The following PRIM2 variants were observed in gnomAD, a reference collection of about 807,000 sequenced individuals.
PRIM2 encodes DNA primase large subunit.
Under a neutral mutation model 67.3 loss-of-function variants are expected in PRIM2, and 39 were observed. That is an observed-to-expected ratio of 0.58 (90% CI 0.45 to 0.76). The LOEUF (loss-of-function observed/expected upper bound fraction) is 0.76, where lower values mean the gene tolerates loss of function less well. Among genes scored for constraint, PRIM2 ranks in the 30% least tolerant of loss-of-function variants. The pLI is 0.00. For missense variants in PRIM2, 398 were observed against 598.7 expected, an observed-to-expected ratio of 0.66 and a Z score of 3.50; for synonymous variants, 143 against 198.7, an observed-to-expected ratio of 0.72 and a Z score of 2.36.
intron 10 of PRIM2, among the ~76,000 whole-genome samples, chr6:57,574,401 C>T (rs1285112476): frequency 6.6e-6 from 1 of 152,142 alleles, no homozygotes; most frequent in Non-Finnish European, 1.5e-5. Flanking sequence ...TCTACACTTT[C>T]CTTGCTTGTT....
At chr6:57,479,846 G>A (rs1430266504) in intron 7 of PRIM2, among the ~76,000 whole-genome samples, 6 of 152,174 alleles carry the variant, frequency 3.9e-5, no homozygotes, top group South Asian at 2.1e-4. Flanking sequence ...GTCACCAGCC[G>A]CGTGGTAGGC....
At chr6:57,365,563 C>G (rs1769329135) in intron 5 of PRIM2, among the ~76,000 whole-genome samples, 1 of 152,066 alleles carries the variant, frequency 6.6e-6, no homozygotes, top group South Asian at 2.1e-4. Flanking sequence ...ATTTATTTTT[C>G]TCTTATTCTA....
At chr6:57,377,300 T>C (rs1186320937) in intron 5 of PRIM2, among the ~76,000 whole-genome samples, 1 of 152,190 alleles carries the variant, frequency 6.6e-6, no homozygotes, top group Non-Finnish European at 1.5e-5. Context: ...AATCTGCAAA[T>C]AGAGTTTTAG....
chr6:57,348,002 C>A (rs1260961982), intron 5 of PRIM2, among the ~76,000 whole-genome samples: 1 of 152,004 alleles, frequency 6.6e-6, no homozygotes, highest in Non-Finnish European at 1.5e-5. Context: ...ACATTAGTTT[C>A]GGAAATTAAA....
chr6:57,252,518 G>A, the PRIM2 span, among the ~76,000 whole-genome samples: 1 of 152,054 alleles, frequency 6.6e-6, no homozygotes, highest in African/African-American at 2.4e-5. Context: ...TTGGCTCACC[G>A]CAACCTCTGC....
At chr6:57,631,453 T>C (rs1476044214) in intron 12 of PRIM2, among the ~76,000 whole-genome samples, 2 of 152,048 alleles carry the variant, frequency 1.3e-5, no homozygotes, top group African/African-American at 4.8e-5. Flanking sequence ...TCTGAAGAGA[T>C]TACATGAAGT....
At chr6:57,240,605 C>A in the PRIM2 span, among the ~76,000 whole-genome samples, 1 of 152,076 alleles carries the variant, frequency 6.6e-6, no homozygotes, top group Admixed American at 6.5e-5. Context: ...CCCAGGACAG[C>A]AGCTGTGTGT....
At chr6:57,396,924 A>G (rs1211688480) in intron 7 of PRIM2, among the ~76,000 whole-genome samples, 2 of 152,128 alleles carry the variant, frequency 1.3e-5, no homozygotes, top group Admixed American at 1.3e-4. Flanking sequence ...TACATATATG[A>G]TGCTTAGTTT....
chr6:57,622,549 C>T (rs1776878451), intron 12 of PRIM2, among the ~76,000 whole-genome samples: 1 of 152,112 alleles, frequency 6.6e-6, no homozygotes, highest in African/African-American at 2.4e-5. Context: ...TGAAATGATA[C>T]ATTATTTACA....
chr6:57,426,525 G>A (rs1771629140), intron 7 of PRIM2, among the ~76,000 whole-genome samples: 2 of 152,176 alleles, frequency 1.3e-5, no homozygotes, highest in Non-Finnish European at 2.9e-5. Flanking sequence ...GTGTGAAAAA[G>A]GATGCTCAGT....
chr6:57,445,320 A>G (rs373497590), intron 7 of PRIM2, among the ~76,000 whole-genome samples: 65 of 152,306 alleles, frequency 4.3e-4, no homozygotes, highest in Admixed American at 2.6e-4. Flanking sequence ...GTGTGTGTGT[A>G]TATGAGTACG....
intron 5 of PRIM2, among the ~76,000 whole-genome samples, chr6:57,366,085 G>A (rs1394776547): frequency 6.6e-6 from 1 of 151,440 alleles, no homozygotes; most frequent in Non-Finnish European, 1.5e-5. Flanking sequence ...AAAAAAAACT[G>A]TATCTTCAAG....
chr6:57,300,073 T>C, the PRIM2 span, among the ~76,000 whole-genome samples: 1 of 152,242 alleles, frequency 6.6e-6, no homozygotes, highest in Admixed American at 6.5e-5. Flanking sequence ...TATACATCTA[T>C]ATGAAATTAT....
chr6:57,614,647 G>A (rs1160466703), intron 12 of PRIM2, among the ~76,000 whole-genome samples: 10 of 152,234 alleles, frequency 6.6e-5, no homozygotes, highest in Non-Finnish European at 5.9e-5. Context: ...TCAGGATATC[G>A]AGACCATCCT....
intron 7 of PRIM2, among the ~76,000 whole-genome samples, chr6:57,480,841 C>T (rs1418030460): frequency 0.013 from 1,951 of 152,234 alleles, 40 homozygotes; most frequent in African/African-American, 0.043. Flanking sequence ...GTTGCCAGGA[C>T]GGTCTCCATT....
intron 13 of PRIM2, among the ~76,000 whole-genome samples, chr6:57,638,317 C>T (rs1258075857): frequency 2.6e-5 from 4 of 151,976 alleles, no homozygotes; most frequent in Non-Finnish European, 5.9e-5. Flanking sequence ...TAAAGACTGT[C>T]GACACTATAA....
chr6:57,281,546 T>TGA, the PRIM2 span, among the ~76,000 whole-genome samples: 2 of 152,090 alleles, frequency 1.3e-5, no homozygotes, highest in South Asian at 4.1e-4. Context: ...AAATGACCAC[T>TGA]AACTAAACTG....
the PRIM2 span, among the ~76,000 whole-genome samples, chr6:57,301,640 A>C: frequency 2.0e-5 from 3 of 152,190 alleles, no homozygotes; most frequent in African/African-American, 7.2e-5. Flanking sequence ...CATCTCTACC[A>C]AAAATACACA....
chr6:57,268,564 C>A, the PRIM2 span, among the ~76,000 whole-genome samples: 1 of 152,076 alleles, frequency 6.6e-6, no homozygotes, highest in Non-Finnish European at 1.5e-5. Context: ...GCACTAGGTT[C>A]TGAGGCATTA....
Sources: allele counts gnomAD v4.1 joint callset (sites outside exome capture counted in the v4.1 genomes callset), GRCh38; gene constraint gnomAD v4.1.1; transcripts MANE v1.5; gene names NCBI Gene and HGNC (gene_info 2026-07-23, HGNC 2026-07-21).